The following NR6A1 variants were observed in gnomAD, a reference collection of about 807,000 sequenced individuals.
NR6A1 encodes nuclear receptor subfamily 6 group A member 1, also known as retinoic acid receptor-related testis-associated receptor.
NR6A1 carries 7 observed loss-of-function variants against 59.1 expected under a neutral mutation model. That is an observed-to-expected ratio of 0.12 (90% confidence interval 0.07 to 0.22). The LOEUF is 0.22. NR6A1 is among the 10% of genes least tolerant of loss of function. The probability of loss-of-function intolerance (pLI) is 1.00; values close to 1 mark genes in which losing one functional copy is unlikely to be tolerated. For missense variants in NR6A1, 468 were observed against 611.6 expected, an observed-to-expected ratio of 0.77 and a Z score of 2.48; for synonymous variants, 243 against 236.1, an observed-to-expected ratio of 1.03 and a Z score of -0.27.
intron 2 of NR6A1, among the ~76,000 whole-genome samples, chr9:124,628,787 C>A (rs1836332600): frequency 6.6e-6 from 1 of 152,124 alleles, no homozygotes; most frequent in Non-Finnish European, 1.5e-5. Context: ...ACTAGAGGCA[C>A]ACACCACCAC....
At chr9:124,686,135 T>C (rs564382428) in intron 2 of NR6A1, among the ~76,000 whole-genome samples, 7 of 152,216 alleles carry the variant, frequency 4.6e-5, no homozygotes, top group Non-Finnish European at 1.0e-4. Flanking sequence ...GAGGCAATAA[T>C]AAACTTTCTA....
intron 2 of NR6A1, among the ~76,000 whole-genome samples, chr9:124,701,887 G>C (rs4838202): frequency 0.6 from 91,409 of 151,832 alleles, 28,921 homozygotes; most frequent in African/African-American, 0.81. Context: ...CCACGCCCAG[G>C]TAGTTTTTTG....
intron 2 of NR6A1, among the ~76,000 whole-genome samples, chr9:124,615,625 T>C (rs1461563075): frequency 1.4e-5 from 2 of 144,118 alleles, no homozygotes; most frequent in Non-Finnish European, 3.0e-5. Flanking sequence ...GGTTTTTGCC[T>C]TTTTTTTTTT....
intron 2 of NR6A1, among the ~76,000 whole-genome samples, chr9:124,577,787 A>G (rs1834643676): frequency 1.3e-5 from 2 of 152,352 alleles, no homozygotes; most frequent in African/African-American, 4.8e-5. Context: ...ACTGGTGATC[A>G]TCATCAGTGT....
chr9:124,624,334 C>G (rs966945719), intron 2 of NR6A1, among the ~76,000 whole-genome samples: 1 of 152,180 alleles, frequency 6.6e-6, no homozygotes, highest in Admixed American at 6.5e-5. Flanking sequence ...GCTAGCAAAC[C>G]AAAGCATCCT....
intron 2 of NR6A1, among the ~76,000 whole-genome samples, chr9:124,578,601 C>A (rs1439373184): frequency 6.6e-6 from 1 of 152,212 alleles, no homozygotes; most frequent in Admixed American, 6.5e-5. Flanking sequence ...CTGGCTTATG[C>A]CACCATCATC....
chr9:124,595,911 T>G lies in NR6A1; in HGVS notation c.143-41341A>C, dbSNP rs913660198. 1.3e-5 allele frequency: 12 copies of G among 902,224 alleles called. No homozygotes were observed. The African/African-American group carries it at 2.1e-4, about 16-fold the overall frequency. The allele number at this position is 902,224 out of a possible 1,614,324, so 55.9% of individuals were successfully genotyped here. ...TACGACAGTCATCCTCACAGGTCAGTTTACAAGCTGGTCATGTGATTGCAA... is the reference window on the plus strand; with the variant it reads ...TACGACAGTCATCCTCACAGGTCAGGTTACAAGCTGGTCATGTGATTGCAA... On this transcript the variant is annotated intron_variant, in intron 2 of 9. Transcript: ENST00000487099.
chr9:124,682,891 G>A (rs1213846142), intron 2 of NR6A1, among the ~76,000 whole-genome samples: 3 of 152,144 alleles, frequency 2.0e-5, no homozygotes. Context: ...GGAAATTGAA[G>A]TAACATATAG....
chr9:124,632,237 A>AT (rs1459790043), intron 2 of NR6A1, among the ~76,000 whole-genome samples: 1 of 152,108 alleles, frequency 6.6e-6, no homozygotes, highest in Non-Finnish European at 1.5e-5. Flanking sequence ...TCTTTGAGGA[A>AT]TTGCCACACT....
chr9:124,566,140 A>G (rs1834232398), intron 2 of NR6A1, among the ~76,000 whole-genome samples: 1 of 152,270 alleles, frequency 6.6e-6, no homozygotes. Context: ...TACTGCAACA[A>G]CACAGATGAC....
intron 2 of NR6A1, among the ~76,000 whole-genome samples, chr9:124,676,017 C>T (rs1485374215): frequency 1.3e-5 from 2 of 152,118 alleles, no homozygotes; most frequent in African/African-American, 4.8e-5. Flanking sequence ...GATACCCACG[C>T]TAAGAGAAGG....
chr9:124,587,520 T>G (rs1240091564), intron 2 of NR6A1, among the ~76,000 whole-genome samples: 2 of 152,192 alleles, frequency 1.3e-5, no homozygotes, highest in Non-Finnish European at 2.9e-5. Context: ...TTAGTATGCT[T>G]TAAGTGAAAC....
intron 2 of NR6A1, among the ~76,000 whole-genome samples, chr9:124,701,486 A>G (rs1312618854): frequency 1.3e-5 from 2 of 152,176 alleles, no homozygotes; most frequent in Non-Finnish European, 2.9e-5. Flanking sequence ...CAGCATCACT[A>G]TCCATTTCCA....
chr9:124,641,377 A>C (rs915466751), intron 2 of NR6A1, among the ~76,000 whole-genome samples: 1 of 151,780 alleles, frequency 6.6e-6, no homozygotes, highest in Non-Finnish European at 1.5e-5. Context: ...AAAAAAAAGA[A>C]AAGAAGGAAA....
chr9:124,528,357 A>G (rs1224798268), intron 7 of NR6A1, among the ~76,000 whole-genome samples: 1 of 152,170 alleles, frequency 6.6e-6, no homozygotes, highest in African/African-American at 2.4e-5. Context: ...TCCATCAAAA[A>G]TATTTTTTTT....
chr9:124,693,621 C>T (rs971628406), intron 2 of NR6A1: 23 of 475,176 alleles, frequency 4.8e-5, no homozygotes, highest in African/African-American at 4.6e-4. Flanking sequence ...AGGGAGAAGC[C>T]AGACACACAG....
chr9:124,761,667 C>G lies in NR6A1; in HGVS notation c.100+9353G>C, dbSNP rs78362567. On this transcript the variant is annotated intron_variant, in intron 1 of 9. Coordinates refer to ENST00000487099, the MANE Select transcript of NR6A1 (RefSeq NM_033334.4). ...ATCACAACTCTAAGACTCAGTGAAG[C>G]CAAACATGTCTAAGGAAAGCAAATA... 1.5e-3 allele frequency among the ~76,000 whole-genome samples: 234 copies of G among 152,224 alleles called. 7 individuals carry two copies. In the East Asian group the frequency reaches 0.043, roughly 28 times the overall value.
At chr9:124,585,558 AG>A (rs1159676111) in intron 2 of NR6A1, among the ~76,000 whole-genome samples, 572 of 27,612 alleles carry the variant, frequency 0.021, 4 homozygotes, top group Middle Eastern at 0.11. Flanking sequence ...AAAAAAAAAA[AG>A]GGGGGGGGGG....
intron 2 of NR6A1, among the ~76,000 whole-genome samples, chr9:124,639,206 G>C (rs1332081644): frequency 1.3e-5 from 2 of 152,230 alleles, no homozygotes; most frequent in African/African-American, 4.8e-5. Context: ...CAACTAGTTA[G>C]TGGTGGAGCT....
Sources: allele counts gnomAD v4.1 joint callset (sites outside exome capture counted in the v4.1 genomes callset), GRCh38; gene constraint gnomAD v4.1.1; transcripts MANE v1.5; gene names NCBI Gene and HGNC (gene_info 2026-07-23, HGNC 2026-07-21).